Variants in INPP4B observed in about 807,000 individuals in gnomAD.
INPP4B encodes the protein inositol polyphosphate 4-phosphatase type II.
In INPP4B, 55 loss-of-function variants were observed where a neutral mutation model predicts 122.5. That is an observed-to-expected ratio of 0.45 (90% confidence interval 0.36 to 0.56). The LOEUF (loss-of-function observed/expected upper bound fraction) is 0.56. Among genes scored for constraint, INPP4B ranks in the 20% least tolerant of loss-of-function variants. The pLI is 0.00. For synonymous variants in INPP4B, 403 were observed against 388.7 expected (o/e 1.04, Z -0.43); for missense variants, 1,000 against 1,097.7 (o/e 0.91, Z 1.26).
chr4:142,456,447 T>C (rs1221270656), intron 3 of INPP4B, among the ~76,000 whole-genome samples: 3 of 152,090 alleles, frequency 2.0e-5, no homozygotes, highest in African/African-American at 4.8e-5. Flanking sequence ...CGTCTGTGGC[T>C]TTGTTCTTGG....
intron 9 of INPP4B, among the ~76,000 whole-genome samples, chr4:142,301,609 A>T (rs184129739): frequency 6.6e-6 from 1 of 152,358 alleles, no homozygotes; most frequent in East Asian, 1.9e-4. Flanking sequence ...ATGCTAGCAG[A>T]TGCTCAATAA....
At chr4:142,580,144 G>A (rs369382563) in intron 2 of INPP4B, among the ~76,000 whole-genome samples, 2 of 151,344 alleles carry the variant, frequency 1.3e-5, no homozygotes, top group African/African-American at 4.9e-5. Context: ...AATTACCCAG[G>A]AGAGCATTGT....
intron 2 of INPP4B, among the ~76,000 whole-genome samples, chr4:142,696,880 T>A (rs1761103119): frequency 6.6e-6 from 1 of 152,190 alleles, no homozygotes; most frequent in Admixed American, 6.5e-5. Context: ...TTTTACTTGT[T>A]TTTATAACAG....
At chr4:142,791,232 A>T (rs1382696568) in intron 1 of INPP4B, among the ~76,000 whole-genome samples, 1 of 152,176 alleles carries the variant, frequency 6.6e-6, no homozygotes, top group Non-Finnish European at 1.5e-5. Context: ...ATTTCAAAGC[A>T]TGGAGGCTTC....
At chr4:142,430,129 T>C (rs1808974892) in intron 4 of INPP4B, among the ~76,000 whole-genome samples, 1 of 152,154 alleles carries the variant, frequency 6.6e-6, no homozygotes, top group African/African-American at 2.4e-5. Context: ...ATTTGGTCAC[T>C]AATATATTTT....
intron 2 of INPP4B, among the ~76,000 whole-genome samples, chr4:142,679,842 G>T (rs1331685943): frequency 6.6e-6 from 1 of 151,554 alleles, no homozygotes; most frequent in Non-Finnish European, 1.5e-5. Context: ...TCTCAGTCAG[G>T]CAAGTGGGCA....
chr4:142,245,218 A>G (rs1270224938), intron 11 of INPP4B, among the ~76,000 whole-genome samples: 3 of 151,964 alleles, frequency 2.0e-5, no homozygotes, highest in African/African-American at 7.2e-5. Flanking sequence ...AAGCTCTTTA[A>G]TTAGATCCCA....
At chr4:142,216,604 A>G (rs557616628) in intron 12 of INPP4B, among the ~76,000 whole-genome samples, 1 of 152,324 alleles carries the variant, frequency 6.6e-6, no homozygotes, top group South Asian at 2.1e-4. Flanking sequence ...CTTTTTGTCT[A>G]TATGGATCGT....
chr4:142,253,797 C>A (rs1733914344), intron 11 of INPP4B, among the ~76,000 whole-genome samples: 1 of 152,164 alleles, frequency 6.6e-6, no homozygotes. Context: ...CACCATTGCC[C>A]AGGCTTGCTT....
intron 18 of INPP4B, among the ~76,000 whole-genome samples, chr4:142,131,821 GGC>G: frequency 6.6e-6 from 1 of 152,152 alleles, no homozygotes; most frequent in African/African-American, 2.4e-5. Flanking sequence ...TGGGCATGGT[GGC>G]GCATGCCTAT....
intron 2 of INPP4B, chr4:142,660,975 G>C (rs531530382): frequency 1.6e-4 from 24 of 152,436 alleles, no homozygotes; most frequent in African/African-American, 5.8e-4. Flanking sequence ...TCTTTAGAGG[G>C]GGGAATGAGA....
chr4:142,496,414 T>A (rs1262857654), intron 2 of INPP4B, among the ~76,000 whole-genome samples: 2 of 152,176 alleles, frequency 1.3e-5, no homozygotes, highest in Non-Finnish European at 1.5e-5. Context: ...TGTAAATACA[T>A]GTTTATTAAA....
At chr4:142,601,618 T>C (rs1027625737) in intron 2 of INPP4B, among the ~76,000 whole-genome samples, 9 of 145,676 alleles carry the variant, frequency 6.2e-5, no homozygotes, top group African/African-American at 2.3e-4. Context: ...ATTTCAAATA[T>C]ACAACCTAAT....
chr4:142,830,659 C>T (rs970808140), intron 1 of INPP4B, among the ~76,000 whole-genome samples: 6 of 151,834 alleles, frequency 4.0e-5, no homozygotes, highest in African/African-American at 1.2e-4. Flanking sequence ...CAGGAGGAAA[C>T]AGGATTGAAT....
chr4:142,631,185 C>T (rs1180227100), intron 2 of INPP4B, among the ~76,000 whole-genome samples: 1 of 151,964 alleles, frequency 6.6e-6, no homozygotes, highest in Non-Finnish European at 1.5e-5. Flanking sequence ...AGTGACTAAG[C>T]TTATTATGTT....
chr4:142,478,864 T>A (rs1470724234), intron 2 of INPP4B, among the ~76,000 whole-genome samples: 2 of 152,140 alleles, frequency 1.3e-5, no homozygotes, highest in Non-Finnish European at 2.9e-5. Flanking sequence ...TATTAAAGAC[T>A]TAAATGTAAA....
chr4:142,226,488 A>G (rs1202772441), intron 12 of INPP4B, among the ~76,000 whole-genome samples: 1 of 152,224 alleles, frequency 6.6e-6, no homozygotes, highest in Non-Finnish European at 1.5e-5. Context: ...AGTGCTTTAG[A>G]GCTAATATTA....
intron 5 of INPP4B, 117 bp downstream of exon 5, chr4:142,429,056 G>A: frequency 1.8e-6 from 1 of 562,252 alleles, no homozygotes; most frequent in Admixed American, 3.4e-5. Flanking sequence ...TTTAAAAATA[G>A]AACAATGTTC....
At chr4:142,728,103 G>A (rs559233177) in intron 1 of INPP4B, among the ~76,000 whole-genome samples, 3 of 152,164 alleles carry the variant, frequency 2.0e-5, no homozygotes, top group Non-Finnish European at 4.4e-5. Context: ...GTGCCCATTG[G>A]GAGTCTTCTC....
Sources: gnomAD v4.1 joint callset for allele counts (sites outside exome capture counted in the v4.1 genomes callset) on GRCh38, gnomAD v4.1.1 for gene constraint, MANE v1.5 for transcripts, NCBI Gene and HGNC (gene_info 2026-07-23, HGNC 2026-07-21) for gene names.